The following PCDHA10 variants were observed in gnomAD, a reference collection of about 807,000 sequenced individuals.
PCDHA10 encodes protocadherin alpha 10, also known as protocadherin alpha-10.
PCDHA10 carries 45 observed loss-of-function variants against 61.2 expected under a neutral mutation model. That is an observed-to-expected ratio of 0.74 (90% confidence interval 0.58 to 0.94). PCDHA10 has a LOEUF of 0.94. PCDHA10 is among the 40% of genes least tolerant of loss of function. The pLI is 0.00. For missense variants in PCDHA10, 1,278 were observed against 1,236.2 expected, an observed-to-expected ratio of 1.03 and a Z score of -0.51; for synonymous variants, 602 against 548.8, an observed-to-expected ratio of 1.10 and a Z score of -1.35.
At chr5:140,879,201 G>A (rs2057895897) in intron 1 of PCDHA10, among the ~76,000 whole-genome samples, 1 of 152,164 alleles carries the variant, frequency 6.6e-6, no homozygotes, top group Non-Finnish European at 1.5e-5. Context: ...TTAAATTATG[G>A]CAGTAGAAAT....
intron 1 of PCDHA10, chr5:140,967,384 G>A (rs1422023127): frequency 2.5e-6 from 4 of 1,609,080 alleles, no homozygotes; most frequent in Non-Finnish European, 3.4e-6. Flanking sequence ...ACAGTAAAGT[G>A]CTTGAGCTGG....
chr5:140,871,223 C>G (rs1009797322), intron 1 of PCDHA10: 6 of 1,613,892 alleles, frequency 3.7e-6, no homozygotes, highest in Non-Finnish European at 3.4e-6. Context: ...TGCGTGGTGT[C>G]CAGCCTCCTG....
chr5:140,882,406 C>T, intron 1 of PCDHA10: 3 of 1,614,138 alleles, frequency 1.9e-6, no homozygotes, highest in Non-Finnish European at 2.5e-6. Context: ...CCTTCGTGGG[C>T]CGCATCGCTC....
chr5:140,971,067 G>A (rs1270982335), intron 1 of PCDHA10, among the ~76,000 whole-genome samples: 1 of 152,204 alleles, frequency 6.6e-6, no homozygotes, highest in Non-Finnish European at 1.5e-5. Flanking sequence ...TAAGGTTGCT[G>A]TAGACATTTG....
intron 1 of PCDHA10, chr5:140,882,397 C>T (rs1554173926): frequency 6.2e-7 from 1 of 1,614,190 alleles, no homozygotes; most frequent in South Asian, 1.1e-5. Flanking sequence ...AACACGGCAC[C>T]TTCGTGGGCC....
At chr5:140,876,323 T>C (rs1554168484) in intron 1 of PCDHA10, 1 of 1,614,000 alleles carries the variant, frequency 6.2e-7, no homozygotes, top group Middle Eastern at 1.6e-4. Context: ...ATCAAAATGA[T>C]TTTGCCAGTG....
At chr5:141,001,974 C>T (rs1375819013) in intron 3 of PCDHA10, among the ~76,000 whole-genome samples, 1 of 152,136 alleles carries the variant, frequency 6.6e-6, no homozygotes, top group African/African-American at 2.4e-5. Flanking sequence ...TGTCTCTGCG[C>T]GGAAAGCCTG....
chr5:140,987,850 A>G lies in PCDHA10; in HGVS notation c.2536+5287A>G, dbSNP rs115051779. Among the ~76,000 whole-genome samples, 1,266 of 152,242 alleles carry G rather than the reference A, an allele frequency of 8.3e-3. 21 individuals are homozygous for G. Among genetic ancestry groups the G allele is most frequent in the African/African-American group, 0.028 (1,145 of 41,532 alleles). On this transcript the variant is annotated intron_variant, in intron 3 of 3. Coordinates refer to ENST00000307360, the MANE Select transcript of PCDHA10 (RefSeq NM_018901.4). ...GGGATTGCTTTTGCCCTGATTTGCCACATCTCTTTACTCTGTGGAAAATGG... is the reference window on the plus strand; with the variant it reads ...GGGATTGCTTTTGCCCTGATTTGCCGCATCTCTTTACTCTGTGGAAAATGG...
intron 1 of PCDHA10, chr5:140,863,395 G>A: frequency 1.1e-6 from 1 of 921,404 alleles, no homozygotes; most frequent in Non-Finnish European, 1.7e-6. Flanking sequence ...GTGCATGCCG[G>A]GCAAGCCCAC....
intron 1 of PCDHA10, chr5:140,883,984 C>T: frequency 2.5e-6 from 4 of 1,612,818 alleles, no homozygotes. Context: ...GGGCTGGCAG[C>T]GCGGGAGGCA....
chr5:140,941,218 T>TCTTTCTTC, intron 1 of PCDHA10, among the ~76,000 whole-genome samples: 1 of 125,730 alleles, frequency 8.0e-6, no homozygotes, highest in African/African-American at 3.3e-5. Context: ...TTTCTTCCTT[T>TCTTTCTTC]CTTTCTTTCT....
intron 1 of PCDHA10, among the ~76,000 whole-genome samples, chr5:140,953,309 G>A (rs563699783): frequency 1.3e-5 from 2 of 152,220 alleles, no homozygotes; most frequent in East Asian, 1.9e-4. Flanking sequence ...AGAGATGTGG[G>A]AAGAATTTGA....
chr5:140,925,124 A>AGGAAGGAAGG (rs1554202565), intron 1 of PCDHA10, among the ~76,000 whole-genome samples: 1 of 151,854 alleles, frequency 6.6e-6, no homozygotes. Flanking sequence ...GAAGGAAGGA[A>AGGAAGGAAGG]AAAAAATTTC....
At chr5:140,995,592 A>G (rs2097690478) in intron 3 of PCDHA10, among the ~76,000 whole-genome samples, 1 of 152,212 alleles carries the variant, frequency 6.6e-6, no homozygotes, top group East Asian at 1.9e-4. Context: ...CTTTTAACTT[A>G]GTGTTTTTCT....
intron 1 of PCDHA10, among the ~76,000 whole-genome samples, chr5:140,934,654 T>G (rs1178051306): frequency 6.6e-6 from 1 of 152,168 alleles, no homozygotes; most frequent in African/African-American, 2.4e-5. Flanking sequence ...AATGTTTGAT[T>G]CTTCCCCTTT....
chr5:140,945,962 G>A (rs1049789327), intron 1 of PCDHA10, among the ~76,000 whole-genome samples: 1 of 152,002 alleles, frequency 6.6e-6, no homozygotes, highest in Non-Finnish European at 1.5e-5. Context: ...GAAAGCACAG[G>A]CAATAAAAGC....
intron 1 of PCDHA10, chr5:140,862,937 A>G: frequency 1.8e-6 from 1 of 544,138 alleles, no homozygotes; most frequent in Non-Finnish European, 3.6e-6. Flanking sequence ...CGGCGCTGTG[A>G]GTGAGCTGGT....
chr5:140,863,212 C>A, intron 1 of PCDHA10: 1 of 1,051,288 alleles, frequency 9.5e-7, no homozygotes, highest in Non-Finnish European at 1.4e-6. Flanking sequence ...GGAGAGCAGC[C>A]AAGCGAGGAA....
chr5:140,947,229 GA>G lies in PCDHA10; in HGVS notation c.2389-31711del, dbSNP rs201242412. On this transcript the variant is annotated intron_variant, in intron 1 of 3. Transcript: ENST00000307360. ...AAGAAAATCCTGTCATTTATGACAGGAAAAAAAAATAAGATAATCCAATGTA... is the reference window on the plus strand; with the variant it reads ...AAGAAAATCCTGTCATTTATGACAGGAAAAAAAATAAGATAATCCAATGTA... 1.0e-3 allele frequency among the ~76,000 whole-genome samples: 154 copies of G among 148,902 alleles called. 1 individual carries two copies. The highest frequency in any genetic ancestry group is 8.9e-3 in the Admixed American group (133 of 14,994).
Sources: allele counts gnomAD v4.1 joint callset (sites outside exome capture counted in the v4.1 genomes callset), GRCh38; gene constraint gnomAD v4.1.1; transcripts MANE v1.5; gene names NCBI Gene and HGNC (gene_info 2026-07-23, HGNC 2026-07-21).